The following MOSPD2 variants were observed in gnomAD, a reference collection of about 807,000 sequenced individuals.
MOSPD2 encodes motile sperm domain-containing protein 2.
Under a neutral mutation model 41.7 loss-of-function variants are expected in MOSPD2, and 5 were observed. The observed-to-expected ratio is 0.12, with a 90% CI of 0.06 to 0.25. The LOEUF (loss-of-function observed/expected upper bound fraction) is 0.25. Ranked by LOEUF, MOSPD2 falls within the 10% of genes least tolerant of loss-of-function variation. MOSPD2 has a pLI of 1.00. For synonymous variants in MOSPD2, 115 were observed against 126.9 expected, an observed-to-expected ratio of 0.91 and a Z score of 0.63; for missense variants, 282 against 375.2, an observed-to-expected ratio of 0.75 and a Z score of 2.05.
At chrX:14,912,435 G>T in intron 10 of MOSPD2, 74 bp downstream of exon 10, 1 of 662,404 alleles carries the variant, frequency 1.5e-6, no homozygotes, top group East Asian at 3.8e-5. Context: ...ACAAAATTAA[G>T]AAAACTTCTA....
At position 14,896,377 on chromosome X, in the gene MOSPD2, T is replaced by C. The variant is rs189649419; in HGVS notation, c.323-707T>C. Among the ~76,000 whole-genome samples, 193 of 111,240 alleles carry C rather than the reference T, an allele frequency of 1.7e-3. 1 individual carries two copies. Among genetic ancestry groups the C allele is most frequent in the Non-Finnish European group, 3.3e-3 (176 of 53,029 alleles). ...CCACTCATTGGCTCTTCCTCTAATA[T>C]AGCTTCAATTTGGCCTTTTATCCAT... On this transcript the variant is annotated intron_variant, in intron 4 of 14. Coordinates refer to ENST00000380492, the MANE Select transcript of MOSPD2 (RefSeq NM_152581.4).
intron 2 of MOSPD2, among the ~76,000 whole-genome samples, chrX:14,880,966 T>C (rs981693927): frequency 8.9e-6 from 1 of 112,013 alleles, no homozygotes; most frequent in Non-Finnish European, 1.9e-5. Context: ...TGTTACCTCT[T>C]TTCTATTCCC....
intron 5 of MOSPD2, among the ~76,000 whole-genome samples, chrX:14,899,511 TTATTATA>T (rs1476636447): frequency 1.5e-5 from 1 of 67,119 alleles, no homozygotes; most frequent in Non-Finnish European, 3.3e-5. Context: ...TACAAAGGTA[TTATTATA>T]TATATATATA....
intron 2 of MOSPD2, among the ~76,000 whole-genome samples, chrX:14,877,333 T>A (rs1283585622): frequency 1.8e-5 from 2 of 111,520 alleles, no homozygotes; most frequent in Non-Finnish European, 3.8e-5. Flanking sequence ...GTGGATACAT[T>A]GTTTACAGTC....
chrX:14,873,830 G>A (rs2092513107), intron 2 of MOSPD2, 72 bp downstream of exon 2: 1 of 907,435 alleles, frequency 1.1e-6, no homozygotes, highest in Non-Finnish European at 1.6e-6. Flanking sequence ...GTGTTTGTGA[G>A]TGTATTTGTG....
chrX:14,875,597 C>T (rs2092518632), intron 2 of MOSPD2, among the ~76,000 whole-genome samples: 1 of 111,495 alleles, frequency 9.0e-6, no homozygotes, highest in Non-Finnish European at 1.9e-5. Context: ...ATGAAATTAC[C>T]CACAAACTTA....
At chrX:14,892,090 C>T (rs2092554995) in intron 2 of MOSPD2, among the ~76,000 whole-genome samples, 1 of 111,854 alleles carries the variant, frequency 8.9e-6, no homozygotes, top group East Asian at 2.8e-4. Flanking sequence ...CTTACTTAAA[C>T]CTGCAGTCTT....
chrX:14,917,425 C>T (rs1322547723), intron 13 of MOSPD2, among the ~76,000 whole-genome samples: 3 of 111,534 alleles, frequency 2.7e-5, no homozygotes, highest in Non-Finnish European at 5.7e-5. Flanking sequence ...AGTAGGATAT[C>T]AGATCATCCC....
At position 14,905,753 on chromosome X, in the gene MOSPD2, A is replaced by G. The variant is rs1487001576; in HGVS notation, c.577+2749A>G. 2.7e-5 allele frequency among the ~76,000 whole-genome samples: 3 copies of G among 110,789 alleles called. No homozygotes were observed. In the East Asian group the frequency reaches 8.5e-4, roughly 31 times the overall value. On this transcript the variant is annotated intron_variant, in intron 7 of 14. Transcript: ENST00000380492. ...GTGCTCTGCCTGCCCCGCCCTCCCA[A>G]AGTGCTAGGATTACAGGCATAAGTC...
At chrX:14,907,857 A>T (rs922666766) in intron 7 of MOSPD2, among the ~76,000 whole-genome samples, 1 of 111,866 alleles carries the variant, frequency 8.9e-6, no homozygotes, top group Non-Finnish European at 1.9e-5. Context: ...CATGTAAATT[A>T]TATCTCAATA....
At chrX:14,883,692 A>G (rs1860713345) in intron 2 of MOSPD2, among the ~76,000 whole-genome samples, 1 of 112,087 alleles carries the variant, frequency 8.9e-6, no homozygotes, top group South Asian at 3.7e-4. Context: ...TTTTTCTACA[A>G]GTACTTACTC....
At chrX:14,901,247 T>C (rs1044373699) in intron 6 of MOSPD2, among the ~76,000 whole-genome samples, 1 of 111,640 alleles carries the variant, frequency 9.0e-6, no homozygotes, top group Admixed American at 9.6e-5. Context: ...TTGTTGAATT[T>C]GTATGATGGG....
At chrX:14,888,210 A>G (rs955048641) in intron 2 of MOSPD2, among the ~76,000 whole-genome samples, 83 of 53,417 alleles carry the variant, frequency 1.6e-3, no homozygotes, top group African/African-American at 6.4e-3. Flanking sequence ...ACACACGCAC[A>G]CACACACACA....
intron 2 of MOSPD2, among the ~76,000 whole-genome samples, chrX:14,883,801 G>A (rs1041235419): frequency 3.0e-4 from 33 of 111,216 alleles, no homozygotes; most frequent in Admixed American, 1.7e-3. Context: ...CTTCCAGAAG[G>A]AAAAAAAGAG....
At chrX:14,878,312 G>C (rs2092525001) in intron 2 of MOSPD2, among the ~76,000 whole-genome samples, 1 of 111,679 alleles carries the variant, frequency 9.0e-6, no homozygotes, top group Non-Finnish European at 1.9e-5. Context: ...CATGGAAGTT[G>C]CACCAATATT....
At chrX:14,905,192 A>G (rs1451695496) in intron 7 of MOSPD2, among the ~76,000 whole-genome samples, 2 of 111,921 alleles carry the variant, frequency 1.8e-5, no homozygotes, top group East Asian at 5.6e-4. Context: ...CTTCCCCCCT[A>G]AGATCAGTAA....
At chrX:14,909,205 T>A (rs1259581445) in intron 8 of MOSPD2, among the ~76,000 whole-genome samples, 1 of 112,129 alleles carries the variant, frequency 8.9e-6, no homozygotes, top group Non-Finnish European at 1.9e-5. Context: ...CTGAAGAGTA[T>A]TCAGAAGAAT....
intron 4 of MOSPD2, among the ~76,000 whole-genome samples, chrX:14,896,596 T>C (rs2092563574): frequency 8.9e-6 from 1 of 111,881 alleles, no homozygotes; most frequent in South Asian, 3.7e-4. Context: ...AGTCCAGTTC[T>C]TTCTTATTTA....
chrX:14,877,557 G>T (rs1421768530), intron 2 of MOSPD2, among the ~76,000 whole-genome samples: 1 of 109,563 alleles, frequency 9.1e-6, no homozygotes, highest in African/African-American at 3.3e-5. Context: ...GGTCAGGCTA[G>T]TCTCGAACTC....
Sources: gnomAD v4.1 joint callset for allele counts (sites outside exome capture counted in the v4.1 genomes callset) on GRCh38, gnomAD v4.1.1 for gene constraint, MANE v1.5 for transcripts, NCBI Gene and HGNC (gene_info 2026-07-23, HGNC 2026-07-21) for gene names.